The following SATL1 variants were observed in gnomAD, a reference collection of about 807,000 sequenced individuals.
SATL1 encodes the protein spermidine/spermine N(1)-acetyltransferase-like protein 1.
In SATL1, 47 loss-of-function variants were observed where a neutral mutation model predicts 51.8. The ratio of observed to expected loss-of-function variants is 0.91; its 90% confidence interval spans 0.72 to 1.16. The LOEUF (loss-of-function observed/expected upper bound fraction) is 1.16. SATL1 is among the 50% of genes most tolerant of loss of function. The pLI is 0.00. For synonymous variants in SATL1, 176 were observed against 182.4 expected (o/e 0.97, Z 0.28); for missense variants, 520 against 526.4 (o/e 0.99, Z 0.12).
intron 2 of SATL1, among the ~76,000 whole-genome samples, chrX:85,178,649 A>T (rs895424648): frequency 9.1e-6 from 1 of 109,921 alleles, no homozygotes; most frequent in East Asian, 2.8e-4. Flanking sequence ...CAAACAAACA[A>T]AAAAAAACAA....
Position 85,107,517 on chromosome X carries a change from C to A in SATL1, c.1452G>T (p.Pro484=), listed in dbSNP as rs769398793. Reference sequence around the variant, plus strand: ...GGCTCAGGCCTGGCTGACTCGGCCCCGGTTCCCATATGCCTGGTTGGCCCC... The same window carrying A: ...GGCTCAGGCCTGGCTGACTCGGCCCAGGTTCCCATATGCCTGGTTGGCCCC... The part of the protein sequence containing the change: ...PGRGQPGIWE[P]GPSQPGLSQQ... Residue 484 remains proline, a synonymous_variant, in exon 3 of 8, where the codon CCG becomes CCT. Coordinates refer to ENST00000644105, the MANE Select transcript of SATL1 (RefSeq NM_001367857.2). 8.3e-7 allele frequency: 1 copy of A among 1,211,342 alleles called. No homozygotes were observed. The highest frequency in any genetic ancestry group is 1.1e-6 in the Non-Finnish European group (1 of 895,345).
intron 2 of SATL1, among the ~76,000 whole-genome samples, chrX:85,112,385 G>C (rs941011853): frequency 7.2e-5 from 8 of 111,252 alleles, no homozygotes; most frequent in Non-Finnish European, 1.3e-4. Flanking sequence ...AGAAAAGGAA[G>C]TAAAGTACAC....
chrX:85,157,980 T>G (rs955603968), intron 2 of SATL1, among the ~76,000 whole-genome samples: 1 of 111,400 alleles, frequency 9.0e-6, no homozygotes, highest in Non-Finnish European at 1.9e-5. Flanking sequence ...AATAGAAAAC[T>G]AAGAGACTTT....
Position 85,150,904 on chromosome X carries a change from A to C in SATL1, c.-312-41624T>G, listed in dbSNP as rs188057358. Among the ~76,000 whole-genome samples the C allele has an allele frequency of 8.7e-3, 964 of 110,605 alleles. 8 individuals carry two copies. Among genetic ancestry groups the C allele is most frequent in the Non-Finnish European group, 0.011 (581 of 52,821 alleles). On this transcript the variant is annotated intron_variant, in intron 2 of 7. Transcript: ENST00000644105. ...GGAAGCATTCCCTTTGAAAACTGGC[A>C]CAAGACAGGGATGCCCTCTCTCACC...
At chrX:85,096,254 T>C (rs1056661343) in intron 4 of SATL1, among the ~76,000 whole-genome samples, 1 of 110,061 alleles carries the variant, frequency 9.1e-6, no homozygotes, top group African/African-American at 3.3e-5. Context: ...GTTCAATAAC[T>C]GAAATGAAAA....
intron 2 of SATL1, among the ~76,000 whole-genome samples, chrX:85,204,441 T>C (rs1336066719): frequency 2.7e-5 from 3 of 112,188 alleles, no homozygotes; most frequent in African/African-American, 6.5e-5. Context: ...ATTTATGGCT[T>C]TTTTTAAAAA....
intron 1 of SATL1, among the ~76,000 whole-genome samples, chrX:85,239,825 TC>T (rs753280376): frequency 1.8e-5 from 2 of 111,310 alleles, no homozygotes; most frequent in South Asian, 7.6e-4. Flanking sequence ...AACCTGAATT[TC>T]ACACCTTATA....
chrX:85,104,683 A>G (rs1924991033), intron 3 of SATL1, among the ~76,000 whole-genome samples: 1 of 110,959 alleles, frequency 9.0e-6, no homozygotes, highest in African/African-American at 3.3e-5. Flanking sequence ...CCAAAATCTG[A>G]GAGTGTTCAA....
At chrX:85,178,835 T>C (rs968476461) in intron 2 of SATL1, among the ~76,000 whole-genome samples, 1 of 111,541 alleles carries the variant, frequency 9.0e-6, no homozygotes, top group African/African-American at 3.3e-5. Flanking sequence ...ATTCTATCTT[T>C]ATGGAATGTA....
chrX:85,232,308 C>T (rs1327151884), intron 1 of SATL1, among the ~76,000 whole-genome samples: 4 of 110,940 alleles, frequency 3.6e-5, no homozygotes, highest in Admixed American at 9.6e-5. Flanking sequence ...TTGGGTGATA[C>T]TCAGAGATGT....
intron 2 of SATL1, among the ~76,000 whole-genome samples, chrX:85,146,882 G>A (rs1469721723): frequency 2.7e-5 from 3 of 112,636 alleles, no homozygotes; most frequent in Non-Finnish European, 5.6e-5. Flanking sequence ...ACAGCTCCCA[G>A]CATGAGTGAC....
intron 2 of SATL1, among the ~76,000 whole-genome samples, chrX:85,164,871 C>A (rs1477168966): frequency 2.7e-5 from 3 of 109,507 alleles, no homozygotes; most frequent in African/African-American, 1.0e-4. Flanking sequence ...ATTACAGGCA[C>A]GCACCACCAC....
chrX:85,104,316 C>T (rs1860661417), intron 3 of SATL1, among the ~76,000 whole-genome samples: 1 of 111,516 alleles, frequency 9.0e-6, no homozygotes, highest in Admixed American at 9.6e-5. Context: ...AATGTTTTTG[C>T]CAGTTTAACC....
At chrX:85,135,033 A>G (rs755420671) in intron 2 of SATL1, among the ~76,000 whole-genome samples, 2 of 112,134 alleles carry the variant, frequency 1.8e-5, no homozygotes, top group South Asian at 3.7e-4. Context: ...AGGGACATGG[A>G]TGGAGCTGGG....
At chrX:85,178,825 A>T (rs1927140690) in intron 2 of SATL1, among the ~76,000 whole-genome samples, 1 of 111,455 alleles carries the variant, frequency 9.0e-6, no homozygotes, top group African/African-American at 3.3e-5. Context: ...AGTTCTCATT[A>T]TTCTATCTTT....
At chrX:85,143,730 C>G (rs1335291767) in intron 2 of SATL1, among the ~76,000 whole-genome samples, 1 of 110,886 alleles carries the variant, frequency 9.0e-6, no homozygotes, top group Non-Finnish European at 1.9e-5. Context: ...TTAAAGATAA[C>G]ATGTTTGTCT....
At chrX:85,130,512 T>C (rs975577169) in intron 2 of SATL1, among the ~76,000 whole-genome samples, 1 of 111,805 alleles carries the variant, frequency 8.9e-6, no homozygotes, top group African/African-American at 3.3e-5. Flanking sequence ...TCATTTTTTA[T>C]TGCATCTATT....
intron 2 of SATL1, chrX:85,142,572 A>C (rs913454865): frequency 1.8e-5 from 2 of 110,788 alleles, no homozygotes; most frequent in Non-Finnish European, 3.8e-5. Context: ...ATGGTGAATA[A>C]AGTACAATAA....
intron 2 of SATL1, among the ~76,000 whole-genome samples, chrX:85,179,126 A>G (rs757137069): frequency 8.0e-5 from 9 of 111,984 alleles, no homozygotes; most frequent in African/African-American, 1.3e-4. Flanking sequence ...AGATTTTTAG[A>G]ATTTTCATTT....
Sources: gnomAD v4.1 joint callset for allele counts (sites outside exome capture counted in the v4.1 genomes callset) on GRCh38, gnomAD v4.1.1 for gene constraint, MANE v1.5 for transcripts, NCBI Gene and HGNC (gene_info 2026-07-23, HGNC 2026-07-21) for gene names.